THRB: variants seen among roughly 807,000 people sequenced by gnomAD.
THRB encodes thyroid hormone receptor beta.
Under a neutral mutation model 47.8 loss-of-function variants are expected in THRB, and 12 were observed. That is an observed-to-expected ratio of 0.25 (90% confidence interval 0.16 to 0.41). The LOEUF (loss-of-function observed/expected upper bound fraction) is 0.41. Ranked by LOEUF, THRB falls within the 10% of genes least tolerant of loss-of-function variation. THRB has a pLI of 1.00. For missense variants in THRB, 348 were observed against 589.2 expected (o/e 0.59, Z 4.24); for synonymous variants, 218 against 212.2 (o/e 1.03, Z -0.24).
At chr3:24,375,352 A>T (rs1470067050) in intron 1 of THRB, among the ~76,000 whole-genome samples, 1 of 140,912 alleles carries the variant, frequency 7.1e-6, no homozygotes, top group Non-Finnish European at 1.5e-5. Flanking sequence ...TAGACATATA[A>T]TATTAATATA....
At chr3:24,328,131 T>C (rs2149352911) in intron 2 of THRB, among the ~76,000 whole-genome samples, 1 of 152,284 alleles carries the variant, frequency 6.6e-6, no homozygotes, top group East Asian at 1.9e-4. Flanking sequence ...TAAATAATGT[T>C]GGCGAGGCCA....
At chr3:24,484,722 C>T (rs1020067804) in intron 1 of THRB, among the ~76,000 whole-genome samples, 1 of 152,090 alleles carries the variant, frequency 6.6e-6, no homozygotes, top group Non-Finnish European at 1.5e-5. Flanking sequence ...TGTTTTTGTA[C>T]TACAATGGCA....
At chr3:24,233,548 AG>A (rs1174909694) in intron 3 of THRB, among the ~76,000 whole-genome samples, 1 of 110,500 alleles carries the variant, frequency 9.0e-6, no homozygotes, top group African/African-American at 3.5e-5. Context: ...AGAAAGAGAA[AG>A]AAAGAAAAAG....
Position 24,122,695 on chromosome 3 carries a change from C to T in THRB, c.*189G>A, listed in dbSNP as rs575610730. 15 of 731,062 alleles carry T rather than the reference C, an allele frequency of 2.1e-5. No homozygotes were observed. Among genetic ancestry groups the T allele is most frequent in the African/African-American group, 3.5e-5 (2 of 56,814 alleles). The allele number at this position is 731,062 out of a possible 1,614,324, so 45.3% of individuals were successfully genotyped here. A position where few individuals can be genotyped will look rare whatever the true frequency, so the allele number is the denominator to read the frequency against. On this transcript the variant is annotated 3_prime_UTR_variant, in exon 11 of 11. Transcript: ENST00000646209. ...GCATTCACATCACAGGACCGGAGAA[C>T]GAAATGCAATAGTTTCAAGTACCCG...
At chr3:24,327,005 C>T (rs760268065) in intron 2 of THRB, among the ~76,000 whole-genome samples, 101 of 151,920 alleles carry the variant, frequency 6.6e-4, no homozygotes, top group Non-Finnish European at 9.3e-4. Flanking sequence ...CCTCATGATC[C>T]GCCCGCCTCA....
chr3:24,339,077 T>A (rs1455682519), intron 1 of THRB, among the ~76,000 whole-genome samples: 1 of 152,216 alleles, frequency 6.6e-6, no homozygotes, highest in Non-Finnish European at 1.5e-5. Flanking sequence ...ATGGCAATTA[T>A]GTATACATAT....
At chr3:24,350,933 A>C (rs17014547) in intron 1 of THRB, among the ~76,000 whole-genome samples, 7,199 of 152,228 alleles carry the variant, frequency 0.047, 227 homozygotes, top group Middle Eastern at 0.092. Flanking sequence ...TACATCAGGG[A>C]AAATTTCAGA....
intron 1 of THRB, among the ~76,000 whole-genome samples, chr3:24,357,813 T>A (rs1000386559): frequency 6.6e-6 from 1 of 152,154 alleles, no homozygotes; most frequent in South Asian, 2.1e-4. Flanking sequence ...ACTGGTGGAA[T>A]GTATGTATTT....
At chr3:24,397,467 C>G in intron 1 of THRB, among the ~76,000 whole-genome samples, 1 of 152,102 alleles carries the variant, frequency 6.6e-6, no homozygotes, top group East Asian at 1.9e-4. Context: ...GCTCTTTCAT[C>G]CTTTAGCACA....
chr3:24,303,123 C>T (rs770936360), intron 2 of THRB, among the ~76,000 whole-genome samples: 2 of 152,060 alleles, frequency 1.3e-5, no homozygotes, highest in Non-Finnish European at 2.9e-5. Flanking sequence ...ACCCCTGAAA[C>T]AAAGATGAAT....
intron 5 of THRB, among the ~76,000 whole-genome samples, chr3:24,166,019 G>A (rs2039599961): frequency 6.6e-6 from 1 of 152,170 alleles, no homozygotes; most frequent in African/African-American, 2.4e-5. Flanking sequence ...GTTGTTGAAT[G>A]TTACTGACTG....
intron 4 of THRB, among the ~76,000 whole-genome samples, chr3:24,198,518 T>C (rs2044242867): frequency 2.3e-5 from 3 of 130,278 alleles, no homozygotes; most frequent in African/African-American, 8.7e-5. Context: ...AATTCTCAAC[T>C]GGTGGGAAGG....
intron 3 of THRB, among the ~76,000 whole-genome samples, chr3:24,296,300 T>C (rs2056441536): frequency 6.6e-6 from 1 of 152,220 alleles, no homozygotes; most frequent in South Asian, 2.1e-4. Flanking sequence ...TGGAATAAGA[T>C]CTGACATTTA....
chr3:24,327,290 C>T (rs2061660118), intron 2 of THRB, among the ~76,000 whole-genome samples: 1 of 151,800 alleles, frequency 6.6e-6, no homozygotes, highest in Non-Finnish European at 1.5e-5. Flanking sequence ...TCTCTCACTT[C>T]TAATTGATGT....
chr3:24,464,128 C>T (rs2073935742), intron 1 of THRB, among the ~76,000 whole-genome samples: 1 of 152,048 alleles, frequency 6.6e-6, no homozygotes, highest in Non-Finnish European at 1.5e-5. Flanking sequence ...CACCTGTAGT[C>T]CCAGCTACTC....
intron 9 of THRB, 132 bp from the exon 10 acceptor site, chr3:24,127,889 G>T: frequency 9.2e-7 from 1 of 1,084,494 alleles, no homozygotes; most frequent in Non-Finnish European, 1.4e-6. Flanking sequence ...TGAGCCCATG[G>T]TTTTCCCTTC....
chr3:24,188,193 C>A (rs948107118), intron 5 of THRB, among the ~76,000 whole-genome samples: 1 of 152,234 alleles, frequency 6.6e-6, no homozygotes, highest in Admixed American at 6.5e-5. Context: ...TTACCAGGCT[C>A]ACAGCATAGT....
chr3:24,131,114 T>G (rs544496011), intron 9 of THRB, among the ~76,000 whole-genome samples: 1 of 152,304 alleles, frequency 6.6e-6, no homozygotes, highest in East Asian at 1.9e-4. Flanking sequence ...CATTCTTTAA[T>G]AAAAAGTTAA....
At chr3:24,261,761 C>T (rs1022400238) in intron 3 of THRB, among the ~76,000 whole-genome samples, 4 of 152,160 alleles carry the variant, frequency 2.6e-5, no homozygotes, top group African/African-American at 7.2e-5. Flanking sequence ...TTTATTAGAC[C>T]TATCAGCAAC....
Sources: allele counts gnomAD v4.1 joint callset (sites outside exome capture counted in the v4.1 genomes callset), GRCh38; gene constraint gnomAD v4.1.1; transcripts MANE v1.5; gene names NCBI Gene and HGNC (gene_info 2026-07-23, HGNC 2026-07-21).